The following IGF1R variants were observed in gnomAD, a reference collection of about 807,000 sequenced individuals.
The protein encoded by IGF1R is insulin-like growth factor 1 receptor.
Under a neutral mutation model 144.6 loss-of-function variants are expected in IGF1R, and 44 were observed. The observed-to-expected ratio is 0.30, with a 90% CI of 0.24 to 0.39. The LOEUF (loss-of-function observed/expected upper bound fraction) is 0.39. IGF1R is among the 10% of genes least tolerant of loss of function. The pLI is 1.00. For missense variants in IGF1R, 1,355 were observed against 1,833.7 expected (o/e 0.74, Z 4.77); for synonymous variants, 795 against 722.8 (o/e 1.10, Z -1.60).
chr15:98,752,992 G>T (rs1399772980), intron 2 of IGF1R, among the ~76,000 whole-genome samples: 1 of 142,064 alleles, frequency 7.0e-6, no homozygotes, highest in Non-Finnish European at 1.5e-5. Context: ...CTGGAGTGCA[G>T]TGACATGATC....
rs2017181891 is a variant in IGF1R, at chr15:98,960,537, ATC to A, written c.*3099_*3100del. 1 of 233,406 alleles carries A rather than the reference ATC, an allele frequency of 4.3e-6. No homozygotes were observed. The highest frequency in any genetic ancestry group is 6.0e-5 in the East Asian group (1 of 16,580). 14.5% of individuals were successfully genotyped at this position (233,406 alleles called of 1,614,324 possible). The stretch of plus-strand genomic sequence containing the variant: ...GAGAGGAAGGTGTCCAGGCAGCACC[ATC>A]TCTGTGCGAATCCCCAGGGTAAAGG... On this transcript the variant is annotated 3_prime_UTR_variant, in exon 21 of 21. Coordinates refer to ENST00000650285, the MANE Select transcript of IGF1R (RefSeq NM_000875.5).
At chr15:98,825,270 C>A (rs895141848) in intron 2 of IGF1R, among the ~76,000 whole-genome samples, 1 of 152,212 alleles carries the variant, frequency 6.6e-6, no homozygotes, top group Non-Finnish European at 1.5e-5. Context: ...CCAACAGATA[C>A]CAAAATCTGG....
intron 2 of IGF1R, among the ~76,000 whole-genome samples, chr15:98,773,236 T>G (rs73475661): frequency 1.3e-5 from 2 of 151,806 alleles, no homozygotes; most frequent in East Asian, 3.9e-4. Context: ...ATCCAGAGAG[T>G]GTTGGGGGCT....
chr15:98,669,054 C>T (rs2052817993), intron 1 of IGF1R, among the ~76,000 whole-genome samples: 1 of 152,192 alleles, frequency 6.6e-6, no homozygotes. Flanking sequence ...GAGCTTTAAG[C>T]TGGGTAGAAT....
In IGF1R at chr15:98,916,049, C is replaced by T. The variant is rs45506098; in HGVS notation, c.1914C>T (p.Asn638=). 15,295 of 1,614,182 alleles carry T rather than the reference C, an allele frequency of 9.5e-3. 108 individuals are homozygous for T. The highest frequency in any genetic ancestry group is 0.011 in the Non-Finnish European group (12,830 of 1,179,986). ...AGTGGAACCCTCCCTCTCTGCCCAA[C>T]GGCAACCTGAGTTACTACATTGTGC... The part of the protein sequence containing the change: ...IVKWNPPSLP[N]GNLSYYIVRW... The change falls in exon 9 of 21, where the codon AAC becomes AAT. Residue 638 remains asparagine, a synonymous_variant. Coordinates refer to ENST00000650285, the MANE Select transcript of IGF1R (RefSeq NM_000875.5).
At chr15:98,659,434 T>G (rs2052553173) in intron 1 of IGF1R, among the ~76,000 whole-genome samples, 1 of 152,138 alleles carries the variant, frequency 6.6e-6, no homozygotes, top group South Asian at 2.1e-4. Context: ...TTCAGCATAT[T>G]AGGTGACTGA....
chr15:98,826,058 G>T (rs533097685), intron 2 of IGF1R, among the ~76,000 whole-genome samples: 1 of 152,298 alleles, frequency 6.6e-6, no homozygotes, highest in Admixed American at 6.5e-5. Flanking sequence ...TGTGTGTAGA[G>T]TTGTTAGGCT....
chr15:98,791,774 C>T (rs2056132427), intron 2 of IGF1R, among the ~76,000 whole-genome samples: 1 of 152,188 alleles, frequency 6.6e-6, no homozygotes, highest in African/African-American at 2.4e-5. Context: ...CATAATCATT[C>T]TTTGTGTTGC....
chr15:98,739,621 A>T (rs28374113), intron 2 of IGF1R, among the ~76,000 whole-genome samples: 47 of 151,974 alleles, frequency 3.1e-4, no homozygotes, highest in Middle Eastern at 3.4e-3. Context: ...AGAAAAAAAA[A>T]TTTTTTTGAA....
At chr15:98,798,446 C>G (rs577882723) in intron 2 of IGF1R, among the ~76,000 whole-genome samples, 2 of 151,946 alleles carry the variant, frequency 1.3e-5, no homozygotes, top group East Asian at 3.9e-4. Context: ...GAGTTTGGAG[C>G]TGGTGTGTAC....
rs968375126 is a variant in IGF1R at position 98,964,111 on chromosome 15, G to C, written c.*6669G>C. ...GGTTTGCCAGAGTTTGTCTACCTCTGGGTATCCCTTTGTCTGGGATAAAAA... is the reference window on the plus strand; with the variant it reads ...GGTTTGCCAGAGTTTGTCTACCTCTCGGTATCCCTTTGTCTGGGATAAAAA... On this transcript the variant is annotated 3_prime_UTR_variant, in exon 21 of 21. Coordinates refer to ENST00000650285, the MANE Select transcript of IGF1R (RefSeq NM_000875.5). 2 of 232,970 alleles carry C rather than the reference G, an allele frequency of 8.6e-6. No individual in the cohort carries two copies. The highest frequency in any genetic ancestry group is 4.4e-5 in the African/African-American group (2 of 45,266). The allele number at this position is 232,970 out of a possible 1,614,324, so 14.4% of individuals were successfully genotyped here. A position where few individuals can be genotyped will look rare whatever the true frequency, so the allele number is the denominator to read the frequency against.
chr15:98,734,468 C>T (rs1455863942), intron 2 of IGF1R, among the ~76,000 whole-genome samples: 4 of 152,138 alleles, frequency 2.6e-5, no homozygotes, highest in East Asian at 3.8e-4. Flanking sequence ...CAGCACTGCC[C>T]AGAATGGCTT....
At chr15:98,819,795 A>G (rs1047529975) in intron 2 of IGF1R, among the ~76,000 whole-genome samples, 1 of 152,220 alleles carries the variant, frequency 6.6e-6, no homozygotes, top group African/African-American at 2.4e-5. Context: ...TTGGATAAAA[A>G]CTATATCCCA....
intron 1 of IGF1R, among the ~76,000 whole-genome samples, chr15:98,657,715 G>A (rs533713684): frequency 6.6e-6 from 1 of 152,292 alleles, no homozygotes; most frequent in Admixed American, 6.5e-5. Context: ...GCCTTTCTTC[G>A]TCAGGTGATA....
At chr15:98,710,730 G>A (rs548939816) in intron 2 of IGF1R, among the ~76,000 whole-genome samples, 3 of 149,926 alleles carry the variant, frequency 2.0e-5, no homozygotes, top group Non-Finnish European at 4.4e-5. Context: ...GCAGCGGCGC[G>A]ATCTCGGCTC....
chr15:98,847,430 G>C (rs1023485478), intron 2 of IGF1R, among the ~76,000 whole-genome samples: 5 of 152,198 alleles, frequency 3.3e-5, no homozygotes, highest in African/African-American at 1.2e-4. Context: ...AAAAGGCTTT[G>C]GAGCCAGGTA....
At chr15:98,654,517 A>G (rs1233788309) in intron 1 of IGF1R, among the ~76,000 whole-genome samples, 1 of 152,202 alleles carries the variant, frequency 6.6e-6, no homozygotes, top group Non-Finnish European at 1.5e-5. Flanking sequence ...GTGTTTTTAA[A>G]AGCGTGAGGG....
At chr15:98,836,190 T>TTC (rs2057097348) in intron 2 of IGF1R, among the ~76,000 whole-genome samples, 1 of 149,274 alleles carries the variant, frequency 6.7e-6, no homozygotes, top group Admixed American at 6.6e-5. Flanking sequence ...TTTTTTTTTT[T>TTC]CTCTCTCTCT....
chr15:98,854,559 GGGTTTCT>G (rs1409641295), intron 2 of IGF1R, among the ~76,000 whole-genome samples: 7 of 152,108 alleles, frequency 4.6e-5, no homozygotes, highest in African/African-American at 1.7e-4. Flanking sequence ...ATCTTTTGCT[GGGTTTCT>G]GCATCACCTG....
Sources: gnomAD v4.1 joint callset for allele counts (sites outside exome capture counted in the v4.1 genomes callset) on GRCh38, gnomAD v4.1.1 for gene constraint, MANE v1.5 for transcripts, NCBI Gene and HGNC (gene_info 2026-07-23, HGNC 2026-07-21) for gene names.